Variants in NTM observed in about 807,000 individuals in gnomAD.
The protein encoded by NTM is neurotrimin, also known as IgLON family member 2.
Under a neutral mutation model 42.1 loss-of-function variants are expected in NTM, and 13 were observed. The observed-to-expected ratio is 0.31, with a 90% confidence interval of 0.20 to 0.49. The LOEUF (loss-of-function observed/expected upper bound fraction) is 0.49, where lower values mean the gene tolerates loss of function less well. Ranked by LOEUF, NTM falls within the 20% of genes least tolerant of loss-of-function variation. The probability of loss-of-function intolerance (pLI) is 0.99; values close to 1 mark genes in which losing one functional copy is unlikely to be tolerated. For synonymous variants in NTM, 187 were observed against 179.2 expected, an observed-to-expected ratio of 1.04 and a Z score of -0.35; for missense variants, 373 against 452.8, an observed-to-expected ratio of 0.82 and a Z score of 1.60.
At chr11:131,656,584 T>C (rs968971847) in intron 1 of NTM, among the ~76,000 whole-genome samples, 5 of 152,138 alleles carry the variant, frequency 3.3e-5, no homozygotes, top group African/African-American at 1.2e-4. Flanking sequence ...GTCACAGATA[T>C]ACTGCTGCAG....
At chr11:132,103,516 C>A (rs1200179711) in intron 2 of NTM, among the ~76,000 whole-genome samples, 1 of 152,114 alleles carries the variant, frequency 6.6e-6, no homozygotes, top group Non-Finnish European at 1.5e-5. Context: ...TTATTTAGTG[C>A]AAAACTATTA....
intron 1 of NTM, among the ~76,000 whole-genome samples, chr11:131,780,314 C>G (rs2087833663): frequency 6.6e-6 from 1 of 152,146 alleles, no homozygotes. Flanking sequence ...TGAGGCAGAT[C>G]ATCCAGGGTG....
chr11:132,243,795 A>G (rs1159623450), intron 4 of NTM, among the ~76,000 whole-genome samples: 4 of 151,836 alleles, frequency 2.6e-5, no homozygotes, highest in African/African-American at 9.7e-5. Flanking sequence ...GGAAGGGGAG[A>G]CTCTTGCCCA....
Position 131,893,807 on chromosome 11 carries a change from G to A in NTM, c.83-17757G>A, listed in dbSNP as rs1365397807. Among the ~76,000 whole-genome samples, 8 of 152,232 alleles carry A rather than the reference G, an allele frequency of 5.3e-5. No individual in the cohort carries two copies. The South Asian group carries it at 1.7e-3, about 32-fold the overall frequency. The stretch of plus-strand genomic sequence containing the variant: ...TCAGAGTTGGTCTCCATCATGCTCG[G>A]CATGTGAGATCTGCGTGTCATGAGT... On this transcript the variant is annotated intron_variant, in intron 1 of 8. Coordinates refer to ENST00000683400, the MANE Select transcript of NTM (RefSeq NM_001352005.2).
intron 2 of NTM, among the ~76,000 whole-genome samples, chr11:131,917,306 C>T (rs1194531049): frequency 6.6e-6 from 1 of 152,178 alleles, no homozygotes; most frequent in Non-Finnish European, 1.5e-5. Context: ...TTGTCCTTGC[C>T]TTGGGCATGT....
intron 1 of NTM, among the ~76,000 whole-genome samples, chr11:131,714,699 A>G (rs572963586): frequency 6.6e-6 from 1 of 152,262 alleles, no homozygotes; most frequent in South Asian, 2.1e-4. Flanking sequence ...CACTATTTGG[A>G]GTAGCACAGT....
At chr11:131,632,768 G>A (rs981428075) in intron 1 of NTM, among the ~76,000 whole-genome samples, 5 of 137,242 alleles carry the variant, frequency 3.6e-5, no homozygotes, top group African/African-American at 8.8e-5. Flanking sequence ...TCCGCCTCCC[G>A]GGTTCACGCC....
At chr11:131,374,398 T>G (rs1198887558) in intron 1 of NTM, among the ~76,000 whole-genome samples, 5 of 152,242 alleles carry the variant, frequency 3.3e-5, no homozygotes, top group Non-Finnish European at 7.3e-5. Context: ...AAACTGCAGC[T>G]TTAGTTACCA....
intron 1 of NTM, among the ~76,000 whole-genome samples, chr11:131,780,977 G>A (rs901764163): frequency 2.0e-5 from 3 of 152,108 alleles, no homozygotes; most frequent in Admixed American, 1.3e-4. Flanking sequence ...AAATGTAACG[G>A]AGGAAACACA....
At chr11:131,687,246 C>G (rs950048290) in intron 1 of NTM, among the ~76,000 whole-genome samples, 2 of 152,246 alleles carry the variant, frequency 1.3e-5, no homozygotes, top group Non-Finnish European at 2.9e-5. Flanking sequence ...AACACCGTCA[C>G]GCGTGGTGTC....
At chr11:132,113,673 G>A (rs562505642) in intron 2 of NTM, among the ~76,000 whole-genome samples, 1 of 152,238 alleles carries the variant, frequency 6.6e-6, no homozygotes, top group East Asian at 1.9e-4. Flanking sequence ...CATTTCTTGG[G>A]TTGTCAATGA....
Position 132,146,564 on chromosome 11 carries a change from C to A in NTM, c.400+50C>A. On this transcript the variant is annotated intron_variant, in intron 3 of 8. Coordinates refer to ENST00000683400, the MANE Select transcript of NTM (RefSeq NM_001352005.2). The surrounding 1 kb of genome is among the most constrained non-coding windows in gnomAD (Gnocchi z 4.5). ...AGATCTGGCTGGCCAGCCTGGAAAG[C>A]CTTCAGGTAAAGGTTTGTTCTCTGA... 3.1e-6 allele frequency: 5 copies of A among 1,589,502 alleles called. No homozygotes were observed. Among genetic ancestry groups the A allele is most frequent in the Non-Finnish European group, 4.3e-6 (5 of 1,164,092 alleles).
chr11:131,646,731 A>C (rs2065817763), intron 1 of NTM, among the ~76,000 whole-genome samples: 3 of 152,188 alleles, frequency 2.0e-5, no homozygotes, highest in Non-Finnish European at 2.9e-5. Flanking sequence ...AGAAACGTAT[A>C]GTGGGGAACT....
At chr11:132,310,447 A>G (rs756627103) in intron 6 of NTM, among the ~76,000 whole-genome samples, 2 of 152,132 alleles carry the variant, frequency 1.3e-5, no homozygotes, top group Non-Finnish European at 2.9e-5. Flanking sequence ...CTGGCCAACC[A>G]ACAGATCTGA....
intron 1 of NTM, among the ~76,000 whole-genome samples, chr11:131,440,702 A>G (rs1275017021): frequency 6.6e-6 from 1 of 151,682 alleles, no homozygotes; most frequent in Non-Finnish European, 1.5e-5. Flanking sequence ...ATCTCTTCCC[A>G]GGAAAGCAGT....
intron 2 of NTM, among the ~76,000 whole-genome samples, chr11:132,096,017 AC>A (rs1218610002): frequency 3.3e-5 from 5 of 151,326 alleles, no homozygotes; most frequent in African/African-American, 1.2e-4. Context: ...TTCTATCCCA[AC>A]CCCTCTGCCC....
intron 1 of NTM, among the ~76,000 whole-genome samples, chr11:131,448,040 C>T (rs1017254516): frequency 6.6e-6 from 1 of 152,250 alleles, no homozygotes; most frequent in Non-Finnish European, 1.5e-5. Flanking sequence ...GTTGCACCCC[C>T]ACCCTGCCCT....
chr11:132,035,291 G>T (rs2076379336), intron 2 of NTM, among the ~76,000 whole-genome samples: 1 of 152,132 alleles, frequency 6.6e-6, no homozygotes, highest in Non-Finnish European at 1.5e-5. Flanking sequence ...ACTGCCTTGT[G>T]GCATGATAAT....
chr11:131,709,727 T>C (rs1261640429), intron 1 of NTM, among the ~76,000 whole-genome samples: 2 of 152,188 alleles, frequency 1.3e-5, no homozygotes, highest in Non-Finnish European at 2.9e-5. Flanking sequence ...GTTATCAGTA[T>C]ATAAACAGTG....
Sources: allele counts gnomAD v4.1 joint callset (sites outside exome capture counted in the v4.1 genomes callset), GRCh38; gene constraint gnomAD v4.1.1; non-coding constraint Gnocchi (gnomAD v3.1); transcripts MANE v1.5; gene names NCBI Gene and HGNC (gene_info 2026-07-23, HGNC 2026-07-21).